Variants in SBF1 observed in about 807,000 individuals in gnomAD.
SBF1 encodes myotubularin-related protein 5.
SBF1 carries 65 observed loss-of-function variants against 215.8 expected under a neutral mutation model. That is an observed-to-expected ratio of 0.30 (90% confidence interval 0.25 to 0.37). The LOEUF is 0.37. SBF1 is among the 10% of genes least tolerant of loss of function. SBF1 has a pLI of 1.00. For synonymous variants in SBF1, 1,410 were observed against 1,122.8 expected (o/e 1.26, Z -5.11); for missense variants, 2,634 against 2,667.8 (o/e 0.99, Z 0.28).
intron 36 of SBF1, among the ~76,000 whole-genome samples, chr22:50,451,004 G>A (rs9617009): frequency 2.0e-5 from 3 of 152,024 alleles, no homozygotes; most frequent in African/African-American, 7.2e-5. Context: ...TGGTTTATCA[G>A]ATGGGGAATC....
intron 26 of SBF1, 44 bp from the exon 27 acceptor site, chr22:50,459,710 G>A (rs1264937339): frequency 1.4e-5 from 22 of 1,533,832 alleles, no homozygotes; most frequent in Middle Eastern, 2.2e-4. Context: ...GACCCCACCC[G>A]CCTCCAGGCT....
At position 50,459,332 on chromosome 22, in the gene SBF1, C is replaced by T. The variant is rs1281830772; in HGVS notation, c.3749G>A (p.Ser1250Asn). The T allele has an allele frequency of 6.2e-7, 1 of 1,612,902 alleles. No individual in the cohort carries two copies. The highest frequency in any genetic ancestry group is 8.5e-7 in the Non-Finnish European group (1 of 1,179,648). ...CGCGTCGGCGTAGCGGGGCATGGAG[C>T]TGACCACAGCCTGCAGGTACTTCTC... ...EQEKYLQAVV[S>N]SMPRYADASG... is the part of the protein sequence containing the mutation. Residue 1250 changes from serine to asparagine, a missense_variant, in exon 28 of 41, where the codon AGC (serine) becomes AAC (asparagine). Physicochemically the swap from Ser to Asn is conservative, Grantham distance 46. Coordinates refer to ENST00000380817, the MANE Select transcript of SBF1 (RefSeq NM_002972.4).
In SBF1 at chr22:50,464,745, G is replaced by A. The variant is rs373900344; in HGVS notation, c.1432-7C>T. ...CGGCTGGGTACGGGTTCTCCTGTGG[G>A]GAGACGGCAGGTGTGGGGCAGGGGC... is the stretch of plus-strand genomic sequence containing the variant. On this transcript the variant is annotated splice_region_variant and splice_polypyrimidine_tract_variant and intron_variant, in intron 13 of 40. Coordinates refer to ENST00000380817, the MANE Select transcript of SBF1 (RefSeq NM_002972.4). 22 of 1,608,424 alleles carry A rather than the reference G, an allele frequency of 1.4e-5. No individual in the cohort carries two copies. In the African/African-American group the frequency reaches 2.1e-4, roughly 16 times the overall value.
intron 36 of SBF1, 59 bp from the exon 37 acceptor site, chr22:50,448,709 A>C (rs958707069): frequency 1.5e-6 from 2 of 1,358,218 alleles, no homozygotes; most frequent in East Asian, 4.6e-5. Context: ...TAGAGCACGA[A>C]AAGACAAAAG....
At chr22:50,451,450 T>C (rs560672197) in intron 36 of SBF1, among the ~76,000 whole-genome samples, 22 of 152,204 alleles carry the variant, frequency 1.4e-4, no homozygotes, top group Admixed American at 3.3e-4. Context: ...CCAAAATGAA[T>C]TGCAAAGATA....
intron 15 of SBF1, among the ~76,000 whole-genome samples, chr22:50,463,701 C>CG (rs2067620774): frequency 6.6e-6 from 1 of 152,232 alleles, no homozygotes; most frequent in Non-Finnish European, 1.5e-5. Context: ...CCTTGCGGGC[C>CG]GGGCCCCCTT....
Position 50,474,993 on chromosome 22 carries a change from G to T in SBF1, c.-153C>A, listed in dbSNP as rs1295014075. On this transcript the variant is annotated 5_prime_UTR_variant, in exon 1 of 41. Transcript: ENST00000380817. ...GGCGGCGGCGGCGGCGGCGGCGGCGGCCCAGGTTCCCGCCGCCATCTTCCC... is the reference window on the plus strand; with the variant it reads ...GGCGGCGGCGGCGGCGGCGGCGGCGTCCCAGGTTCCCGCCGCCATCTTCCC... The T allele has an allele frequency of 2.3e-5, 6 of 265,272 alleles. No individual in the cohort carries two copies. Among genetic ancestry groups the T allele is most frequent in the African/African-American group, 1.4e-4 (5 of 35,040 alleles). The allele number at this position is 265,272 out of a possible 1,614,324, so 16.4% of individuals were successfully genotyped here. A position where few individuals can be genotyped will look rare whatever the true frequency, so the allele number is the denominator to read the frequency against.
At chr22:50,454,764 A>G (rs1379542638) in intron 35 of SBF1, 22 bp from the exon 36 acceptor site, 2 of 1,592,460 alleles carry the variant, frequency 1.3e-6, no homozygotes, top group South Asian at 2.3e-5. Context: ...CCTGTGGTTG[A>G]GGACCTGGGT....
rs1390349691 is a variant in SBF1 at position 50,467,818 on chromosome 22, A to G, written c.247T>C (p.Leu83=). ...GGCTCCGCTGGCTCCCAGAAGGTCA[A>G]GCAGGCGCAGTAGTGGCGCTCGGAG... The part of the protein sequence containing the change: ...INSERHYCAC[L]TFWEPAEPSQ... The change falls in exon 3 of 41, where the codon TTG becomes CTG. Residue 83 remains leucine, a synonymous_variant. Transcript: ENST00000380817. 2 of 1,613,886 alleles carry G rather than the reference A, an allele frequency of 1.2e-6. No individual in the cohort carries two copies. The highest frequency in any genetic ancestry group is 1.6e-4 in the Middle Eastern group (1 of 6,078).
At position 50,455,213 on chromosome 22, in the gene SBF1, G is replaced by A. The variant is rs752914182; in HGVS notation, c.4554+11C>T. ...CACAGTCCCGGCCCACCCACACAGC[G>A]GCCTGCCCACCTGGTGTACGCAGTC... is the stretch of plus-strand genomic sequence containing the variant. On this transcript the variant is annotated intron_variant, in intron 33 of 40. Coordinates refer to ENST00000380817, the MANE Select transcript of SBF1 (RefSeq NM_002972.4). 46 of 1,611,960 alleles carry A rather than the reference G, an allele frequency of 2.9e-5. No homozygotes were observed. In the Middle Eastern group the frequency reaches 6.6e-4, roughly 23 times the overall value.
At position 50,460,684 on chromosome 22, in the gene SBF1, ACCT is replaced by A; in HGVS notation, c.2993_2995del (p.Glu998del). The A allele has an allele frequency of 6.2e-7, 1 of 1,613,250 alleles. No individual in the cohort carries two copies. The highest frequency in any genetic ancestry group is 8.5e-7 in the Non-Finnish European group (1 of 1,179,926). Reference sequence around the variant, plus strand: ...GAAGAGCTCGGCGCTGTCAGACCCCACCTCCTCGTCAAAGGCCATTTTCAGCAG... The same window carrying A: ...GAAGAGCTCGGCGCTGTCAGACCCCACCTCGTCAAAGGCCATTTTCAGCAG... On this transcript the variant is annotated inframe_deletion, in exon 24 of 41. Transcript: ENST00000380817.
chr22:50,472,605 G>A (rs2068035877), intron 1 of SBF1, among the ~76,000 whole-genome samples: 1 of 152,190 alleles, frequency 6.6e-6, no homozygotes, highest in South Asian at 2.1e-4. Context: ...AGCCTGGGAG[G>A]TTAGCATGAC....
chr22:50,464,815 G>C lies in SBF1; in HGVS notation c.1431+4C>G, dbSNP rs530337132. The stretch of plus-strand genomic sequence containing the variant: ...GACGCCCTCCCGTCCTGCTACCCTC[G>C]TACGTTCTTGTAGAGCTGCTCTGCC... On this transcript the variant is annotated splice_donor_region_variant and intron_variant, in intron 13 of 40. Transcript: ENST00000380817. The C allele has an allele frequency of 3.1e-6, 5 of 1,613,394 alleles. No individual in the cohort carries two copies. Among genetic ancestry groups the C allele is most frequent in the Non-Finnish European group, 4.2e-6 (5 of 1,179,954 alleles).
In SBF1 at chr22:50,460,667, C is replaced by G. The variant is rs1306451918; in HGVS notation, c.3013G>C (p.Glu1005Gln). The G allele has an allele frequency of 1.2e-6, 2 of 1,613,776 alleles. No homozygotes were observed. The highest frequency in any genetic ancestry group is 1.3e-5 in the African/African-American group (1 of 74,928). The change falls in exon 24 of 41, where the codon GAG (glutamate) becomes CAG (glutamine). Residue 1005 changes from glutamate (E) to glutamine (Q), a missense_variant. By Grantham distance (29) the Glu-to-Gln change is conservative. Transcript: ENST00000380817. ...FDEEVGSDSA[E>Q]LFRKQLHKLR... Reference sequence around the variant, plus strand: ...TTATGCAGCTGCTTACGGAAGAGCTCGGCGCTGTCAGACCCCACCTCCTCG... The same window carrying G: ...TTATGCAGCTGCTTACGGAAGAGCTGGGCGCTGTCAGACCCCACCTCCTCG...
chr22:50,470,882 G>A (rs567030268), intron 1 of SBF1, among the ~76,000 whole-genome samples: 5 of 152,302 alleles, frequency 3.3e-5, no homozygotes, highest in Admixed American at 2.0e-4. Context: ...GCCCTCAGCT[G>A]TGAGCAGCTC....
At chr22:50,459,822 C>G in intron 26 of SBF1, 130 bp downstream of exon 26, 2 of 1,344,544 alleles carry the variant, frequency 1.5e-6, no homozygotes, top group East Asian at 2.4e-5. Flanking sequence ...CCCTGTGGCC[C>G]GTCCCTCTGC....
intron 1 of SBF1, among the ~76,000 whole-genome samples, chr22:50,473,136 A>T (rs1456619022): frequency 1.3e-5 from 2 of 151,002 alleles, no homozygotes; most frequent in Admixed American, 6.6e-5. Context: ...TCAACTCCTC[A>T]CCCCACGGCC....
At chr22:50,448,061 C>G (rs1037489238) in intron 38 of SBF1, among the ~76,000 whole-genome samples, 172 bp downstream of exon 38, 1 of 152,232 alleles carries the variant, frequency 6.6e-6, no homozygotes, top group South Asian at 2.1e-4. Flanking sequence ...TCAGCCACTG[C>G]AGGCTGTGGT....
chr22:50,455,573 G>A lies in SBF1; in HGVS notation c.4276C>T (p.Leu1426=), dbSNP rs896449642. Residue 1426 remains leucine, a synonymous_variant, in exon 32 of 41, where the codon CTG becomes TTG. Transcript: ENST00000380817. ...DSEWLIQIHK[L]LQVSVLVVEL... ...ACCACCAGCACAGACACCTGCAGCA[G>A]CTTGTGGATCTGCAGGGACAGGCGG... 6 of 1,578,498 alleles carry A rather than the reference G, an allele frequency of 3.8e-6. No homozygotes were observed. The East Asian group carries it at 7.0e-5, about 18-fold the overall frequency.
Sources: allele counts gnomAD v4.1 joint callset (sites outside exome capture counted in the v4.1 genomes callset), GRCh38; gene constraint gnomAD v4.1.1; transcripts MANE v1.5; gene names NCBI Gene and HGNC (gene_info 2026-07-23, HGNC 2026-07-21).